USP25: variants seen among roughly 807,000 people sequenced by gnomAD.
USP25 encodes ubiquitin specific peptidase 25, also known as ubiquitin carboxyl-terminal hydrolase 25.
Under a neutral mutation model 158.5 loss-of-function variants are expected in USP25, and 85 were observed. The observed-to-expected ratio is 0.54, with a 90% CI of 0.45 to 0.64. USP25 has a LOEUF of 0.64. Among genes scored for constraint, USP25 ranks in the 30% least tolerant of loss-of-function variants. USP25 has a pLI of 0.00. For synonymous variants in USP25, 464 were observed against 460.4 expected, an observed-to-expected ratio of 1.01 and a Z score of -0.10; for missense variants, 1,242 against 1,327.3, an observed-to-expected ratio of 0.94 and a Z score of 1.00.
At chr21:15,852,836 C>A (rs2038947500) in intron 20 of USP25, among the ~76,000 whole-genome samples, 1 of 152,030 alleles carries the variant, frequency 6.6e-6, no homozygotes, top group Non-Finnish European at 1.5e-5. Context: ...TTGCACCTAT[C>A]TGTGATTGAG....
Position 15,749,908 on chromosome 21 carries a change from C to G in USP25, c.46-12983C>G, listed in dbSNP as rs2032854875. ...TGTGATATAATAATAAATATTTGGT[C>G]TTTTTCCCTTGTTCCTGGCATGGAG... On this transcript the variant is annotated intron_variant, in intron 1 of 25. Transcript: ENST00000400183. 2.0e-5 allele frequency among the ~76,000 whole-genome samples: 3 copies of G among 152,244 alleles called. No individual in the cohort carries two copies. The East Asian group carries it at 5.8e-4, about 29-fold the overall frequency.
chr21:15,831,219 C>T (rs941325706), intron 15 of USP25, among the ~76,000 whole-genome samples, 182 bp from the exon 16 acceptor site: 5 of 151,448 alleles, frequency 3.3e-5, no homozygotes, highest in South Asian at 4.2e-4. Context: ...ATTCAGATTC[C>T]GTCTTTTTAA....
At chr21:15,818,226 A>G (rs185910974) in intron 9 of USP25, among the ~76,000 whole-genome samples, 1 of 152,266 alleles carries the variant, frequency 6.6e-6, no homozygotes, top group East Asian at 1.9e-4. Flanking sequence ...TCCCATTTTT[A>G]TACCTCTCAC....
intron 6 of USP25, among the ~76,000 whole-genome samples, chr21:15,804,712 C>T (rs1311146340): frequency 6.6e-6 from 1 of 152,060 alleles, no homozygotes; most frequent in Non-Finnish European, 1.5e-5. Context: ...TGAGATCAAG[C>T]ACTTAGAACA....
At chr21:15,809,691 T>C (rs190253517) in intron 8 of USP25, among the ~76,000 whole-genome samples, 21 of 152,322 alleles carry the variant, frequency 1.4e-4, no homozygotes, top group Middle Eastern at 3.4e-3. Flanking sequence ...CAAAGAGATA[T>C]TTGTACACCT....
chr21:15,777,882 GA>G, intron 3 of USP25, 21 bp from the exon 4 acceptor site: 1 of 1,562,722 alleles, frequency 6.4e-7, no homozygotes, highest in South Asian at 1.2e-5. Flanking sequence ...TTAATTTTGA[GA>G]AAGATAGTTT....
At position 15,826,342 on chromosome 21, in the gene USP25, C is replaced by T; in HGVS notation, c.1443C>T (p.Ser481=). 1 of 1,613,960 alleles carries T rather than the reference C, an allele frequency of 6.2e-7. No individual in the cohort carries two copies. The highest frequency in any genetic ancestry group is 2.2e-5 in the East Asian group (1 of 44,836). Residue 481 remains serine (S), a synonymous_variant, in exon 13 of 26, where the codon TCC becomes TCT. Transcript: ENST00000400183. The surrounding 1 kb of genome is among the most constrained non-coding windows in gnomAD (Gnocchi z 4.8). ...DIDASSPPSG[S]IPSQTLPSTT... is the part of the protein sequence containing the mutation. ...ACGCTAGTTCCCCACCTAGTGGTTC[C>T]ATACCATCACAGACATTACCAAGGT...
intron 19 of USP25, 94 bp downstream of exon 19, chr21:15,847,870 A>G (rs373388469): frequency 1.4e-4 from 99 of 691,406 alleles, no homozygotes; most frequent in South Asian, 1.2e-3. Flanking sequence ...CTTAATGTCT[A>G]TTGCCACATA....
chr21:15,862,171 A>T (rs964057923), intron 20 of USP25, among the ~76,000 whole-genome samples: 1 of 152,144 alleles, frequency 6.6e-6, no homozygotes, highest in East Asian at 1.9e-4. Flanking sequence ...ATTTTGTACT[A>T]AAGTATGATA....
At chr21:15,860,975 T>G (rs7277172) in intron 20 of USP25, among the ~76,000 whole-genome samples, 117,751 of 140,940 alleles carry the variant, frequency 0.84, 49,340 homozygotes, top group East Asian at 0.92. Context: ...TATATATATA[T>G]AGAGAGAGAG....
At chr21:15,793,788 A>C (rs1237396870) in intron 5 of USP25, among the ~76,000 whole-genome samples, 2 of 151,780 alleles carry the variant, frequency 1.3e-5, no homozygotes, top group Non-Finnish European at 3.0e-5. Context: ...GATCACCTGA[A>C]GTTTTATTTT....
In USP25 at chr21:15,836,181, AT is replaced by A. The variant is rs1295154858; in HGVS notation, c.2194+2640del. On this transcript the variant is annotated intron_variant, in intron 17 of 25. Transcript: ENST00000400183. ...CTTGTTCATAAAATCCAACAGAATG[AT>A]TTTTTTCCTCCCTGCAAAATCTTCT... Among the ~76,000 whole-genome samples, 5 of 152,126 alleles carry A rather than the reference AT, an allele frequency of 3.3e-5. No homozygotes were observed. In the East Asian group the frequency reaches 9.6e-4, roughly 29 times the overall value.
At chr21:15,830,492 A>G (rs1263188510) in intron 14 of USP25, 39 bp from the exon 15 acceptor site, 1 of 1,536,724 alleles carries the variant, frequency 6.5e-7, no homozygotes, top group Non-Finnish European at 8.9e-7. Context: ...GTAGAAACAC[A>G]TTTGCTGTTA....
At chr21:15,750,495 G>T (rs2032922837) in intron 1 of USP25, among the ~76,000 whole-genome samples, 2 of 152,074 alleles carry the variant, frequency 1.3e-5, no homozygotes, top group South Asian at 4.2e-4. Context: ...CTCCCAAAGT[G>T]CTGGGATTAC....
intron 3 of USP25, among the ~76,000 whole-genome samples, chr21:15,774,484 G>T (rs758012052): frequency 6.6e-6 from 1 of 151,970 alleles, no homozygotes; most frequent in Non-Finnish European, 1.5e-5. Context: ...AAAGCAACAG[G>T]CTCACTTTTT....
intron 20 of USP25, among the ~76,000 whole-genome samples, chr21:15,858,477 G>C (rs545536721): frequency 2.5e-4 from 38 of 150,358 alleles, no homozygotes; most frequent in African/African-American, 9.3e-4. Context: ...TTTTAACCAG[G>C]TTATTGAAAG....
intron 17 of USP25, among the ~76,000 whole-genome samples, chr21:15,840,956 C>T (rs528836164): frequency 1.3e-5 from 2 of 152,162 alleles, no homozygotes; most frequent in Non-Finnish European, 2.9e-5. Flanking sequence ...ATGAAGTCTT[C>T]CAGAAGCAGA....
chr21:15,854,922 A>G (rs1241499183), intron 20 of USP25, among the ~76,000 whole-genome samples: 1 of 152,256 alleles, frequency 6.6e-6, no homozygotes, highest in African/African-American at 2.4e-5. Flanking sequence ...TTTCTACTAT[A>G]GAAAATCCCC....
At chr21:15,865,699 C>T (rs1453690714) in intron 21 of USP25, among the ~76,000 whole-genome samples, 1 of 152,110 alleles carries the variant, frequency 6.6e-6, no homozygotes, top group Non-Finnish European at 1.5e-5. Context: ...ACTTTTCAGT[C>T]TTTTGCAGTT....
Sources: gnomAD v4.1 joint callset for allele counts (sites outside exome capture counted in the v4.1 genomes callset) on GRCh38, gnomAD v4.1.1 for gene constraint, Gnocchi (gnomAD v3.1) non-coding constraint, MANE v1.5 for transcripts, NCBI Gene and HGNC (gene_info 2026-07-23, HGNC 2026-07-21) for gene names.